Variants in KLHL4 observed in about 807,000 individuals in gnomAD.
KLHL4 encodes the protein kelch-like protein 4.
A neutral mutation model predicts 45.8 loss-of-function variants in KLHL4; 17 were observed. That is an observed-to-expected ratio of 0.37 (90% CI 0.25 to 0.56). The LOEUF (loss-of-function observed/expected upper bound fraction) is 0.56. KLHL4 is among the 20% of genes least tolerant of loss of function. The probability of loss-of-function intolerance (pLI) is 0.79; values close to 1 mark genes in which losing one functional copy is unlikely to be tolerated. For synonymous variants in KLHL4, 224 were observed against 189.9 expected (o/e 1.18, Z -1.47); for missense variants, 544 against 544.9 (o/e 1.00, Z 0.02).
chrX:87,641,455 C>T (rs1923456671), intron 9 of KLHL4, among the ~76,000 whole-genome samples: 1 of 111,703 alleles, frequency 9.0e-6, no homozygotes, highest in Admixed American at 9.5e-5. Context: ...GGAGGCTGGC[C>T]AGAGAAGCAG....
At chrX:87,649,065 T>C (rs1357176502) in intron 9 of KLHL4, among the ~76,000 whole-genome samples, 1 of 111,768 alleles carries the variant, frequency 8.9e-6, no homozygotes, top group East Asian at 2.8e-4. Flanking sequence ...ATTTTAAATA[T>C]TTTAAGTGTA....
At chrX:87,564,692 G>A (rs935416575) in intron 1 of KLHL4, among the ~76,000 whole-genome samples, 6 of 111,668 alleles carry the variant, frequency 5.4e-5, no homozygotes, top group Non-Finnish European at 1.1e-4. Context: ...TAAAATTGCA[G>A]GGAGGGATAG....
chrX:87,625,735 A>G lies in KLHL4; in HGVS notation c.1263A>G (p.Thr421=), dbSNP rs1038374373. The G allele has an allele frequency of 8.3e-7, 1 of 1,207,644 alleles. No individual in the cohort carries two copies. Among genetic ancestry groups the G allele is most frequent in the African/African-American group, 1.8e-5 (1 of 56,982 alleles). Residue 421 remains threonine (T), a synonymous_variant, in exon 6 of 11, where the codon ACA becomes ACG. Coordinates refer to ENST00000373119, the MANE Select transcript of KLHL4 (RefSeq NM_019117.5). ...ERRSMMQSPR[T]KPRKSTVGAL... is the part of the protein sequence containing the mutation. ...GATCCATGATGCAAAGCCCTCGGAC[A>G]AAGCCTAGAAAATCAACTGTGGGGG...
At chrX:87,553,639 C>A (rs1466285315) in intron 1 of KLHL4, among the ~76,000 whole-genome samples, 16 of 100,488 alleles carry the variant, frequency 1.6e-4, no homozygotes. Flanking sequence ...CAGACACATA[C>A]ACACACACAT....
chrX:87,575,187 G>A (rs1445662844), intron 1 of KLHL4, among the ~76,000 whole-genome samples: 1 of 111,684 alleles, frequency 9.0e-6, no homozygotes, highest in Non-Finnish European at 1.9e-5. Context: ...AATGGTCCGC[G>A]GTCTGATAGG....
intron 1 of KLHL4, among the ~76,000 whole-genome samples, chrX:87,532,932 C>A (rs1406540915): frequency 1.7e-4 from 18 of 108,336 alleles, no homozygotes; most frequent in African/African-American, 2.7e-4. Flanking sequence ...ACATTTATGC[C>A]GCCAAAAAAC....
intron 1 of KLHL4, among the ~76,000 whole-genome samples, chrX:87,534,898 A>G (rs1324210625): frequency 8.9e-6 from 1 of 112,066 alleles, no homozygotes; most frequent in Non-Finnish European, 1.9e-5. Flanking sequence ...AAGAGATTTA[A>G]TATGTTAAAT....
intron 1 of KLHL4, among the ~76,000 whole-genome samples, chrX:87,557,736 TTATTTTAAAATGTGATAGA>T (rs1368353022): frequency 4.3e-5 from 3 of 69,949 alleles, no homozygotes; most frequent in African/African-American, 1.2e-4. Flanking sequence ...GTTTTAAAAG[TTATTTTAAAATGTGATAGA>T]TACGGTTTTA....
At chrX:87,614,375 A>G in intron 2 of KLHL4, 59 bp from the exon 3 acceptor site, 3 of 1,103,097 alleles carry the variant, frequency 2.7e-6, no homozygotes, top group Non-Finnish European at 3.7e-6. Flanking sequence ...AATCCATTTC[A>G]TGCTTTTCAG....
intron 1 of KLHL4, among the ~76,000 whole-genome samples, chrX:87,556,466 T>G (rs929237653): frequency 6.5e-5 from 7 of 106,885 alleles, no homozygotes; most frequent in Non-Finnish European, 1.3e-4. Flanking sequence ...TAGGTGGGAA[T>G]TGAACAATGA....
rs1924418162 is a variant in KLHL4 at position 87,667,648 on chromosome X, T to C, written c.*1114T>C. 2 of 583,242 alleles carry C rather than the reference T, an allele frequency of 3.4e-6. No individual in the cohort carries two copies. Among genetic ancestry groups the C allele is most frequent in the Admixed American group, 1.8e-4 (2 of 11,066 alleles). 48.1% of individuals were successfully genotyped at this position (583,242 alleles called of 1,213,427 possible). On this transcript the variant is annotated 3_prime_UTR_variant, in exon 11 of 11. Transcript: ENST00000373119. ...ATAACAAAAATGGCTAGTTGAATAG[T>C]ATTTTATGTGTAATTCTTCCATTTA...
At chrX:87,593,791 G>T (rs991427166) in intron 1 of KLHL4, among the ~76,000 whole-genome samples, 3 of 111,282 alleles carry the variant, frequency 2.7e-5, no homozygotes, top group African/African-American at 9.8e-5. Context: ...TGTTCACATT[G>T]CTCCCTGTAT....
intron 9 of KLHL4, among the ~76,000 whole-genome samples, chrX:87,662,254 C>T (rs1924211918): frequency 1.8e-5 from 2 of 110,011 alleles, no homozygotes; most frequent in South Asian, 3.8e-4. Flanking sequence ...TCACATGTAC[C>T]CCATAAATGT....
intron 1 of KLHL4, among the ~76,000 whole-genome samples, chrX:87,596,338 T>C (rs1205720818): frequency 8.0e-5 from 9 of 112,349 alleles, no homozygotes; most frequent in Non-Finnish European, 1.5e-4. Context: ...AAACTAAGTA[T>C]GCTGGTTATT....
intron 1 of KLHL4, among the ~76,000 whole-genome samples, chrX:87,586,603 A>G (rs753877076): frequency 9.0e-6 from 1 of 111,284 alleles, no homozygotes; most frequent in Admixed American, 9.6e-5. Context: ...ACAACATATC[A>G]GAACCCATGG....
At chrX:87,562,269 G>A (rs747055561) in intron 1 of KLHL4, among the ~76,000 whole-genome samples, 11 of 110,283 alleles carry the variant, frequency 1.0e-4, no homozygotes, top group Non-Finnish European at 1.7e-4. Flanking sequence ...CTTTTCACTT[G>A]GGTACCAGCT....
intron 1 of KLHL4, among the ~76,000 whole-genome samples, chrX:87,612,535 T>G (rs546440859): frequency 8.9e-6 from 1 of 111,856 alleles, no homozygotes; most frequent in South Asian, 3.7e-4. Flanking sequence ...AACAAATCCC[T>G]TAATGATGCA....
intron 1 of KLHL4, among the ~76,000 whole-genome samples, chrX:87,528,706 C>CAAAAAAAAAAAAAAAAAAAAAA (rs1160857135): frequency 3.2e-5 from 1 of 31,501 alleles, no homozygotes; most frequent in Non-Finnish European, 5.4e-5. Flanking sequence ...CAAAGCGAGA[C>CAAAAAAAAAAAAAAAAAAAAAA]AAAAAAAAAA....
chrX:87,524,173 A>G (rs748408701), intron 1 of KLHL4, among the ~76,000 whole-genome samples: 6 of 110,526 alleles, frequency 5.4e-5, no homozygotes, highest in African/African-American at 2.0e-4. Flanking sequence ...AATTTACACC[A>G]TTAGCGGAGA....
Sources: allele counts gnomAD v4.1 joint callset (sites outside exome capture counted in the v4.1 genomes callset), GRCh38; gene constraint gnomAD v4.1.1; transcripts MANE v1.5; gene names NCBI Gene and HGNC (gene_info 2026-07-23, HGNC 2026-07-21).